Variants in PTPRT observed in about 807,000 individuals in gnomAD.
PTPRT encodes the protein protein tyrosine phosphatase receptor type T.
In PTPRT, 56 loss-of-function variants were observed where a neutral mutation model predicts 176.8. That is an observed-to-expected ratio of 0.32 (90% CI 0.26 to 0.40). PTPRT has a LOEUF of 0.40. Ranked by LOEUF, PTPRT falls within the 10% of genes least tolerant of loss-of-function variation. PTPRT has a pLI of 1.00. For missense variants in PTPRT, 1,540 were observed against 1,908.2 expected (o/e 0.81, Z 3.60); for synonymous variants, 783 against 739.0 (o/e 1.06, Z -0.96).
chr20:42,635,684 A>C (rs2074581617), intron 7 of PTPRT, among the ~76,000 whole-genome samples: 1 of 152,186 alleles, frequency 6.6e-6, no homozygotes, highest in Non-Finnish European at 1.5e-5. Context: ...AATCTGAATT[A>C]CACATACAGT....
chr20:42,123,543 T>C (rs1259180535), intron 19 of PTPRT, among the ~76,000 whole-genome samples: 1 of 152,220 alleles, frequency 6.6e-6, no homozygotes, highest in Non-Finnish European at 1.5e-5. Flanking sequence ...TGGTGGTTGA[T>C]TGGCTCCTTA....
intron 2 of PTPRT, among the ~76,000 whole-genome samples, chr20:42,866,727 C>T (rs1004200571): frequency 6.6e-6 from 1 of 152,174 alleles, no homozygotes; most frequent in Non-Finnish European, 1.5e-5. Context: ...GGTATCCCTT[C>T]CTAGAATACT....
At chr20:42,703,155 T>G (rs2146169642) in intron 6 of PTPRT, among the ~76,000 whole-genome samples, 1 of 152,232 alleles carries the variant, frequency 6.6e-6, no homozygotes, top group Non-Finnish European at 1.5e-5. Flanking sequence ...TTAGTACTGC[T>G]GCAGACTTCA....
intron 6 of PTPRT, among the ~76,000 whole-genome samples, chr20:42,706,476 G>A (rs527404040): frequency 3.0e-4 from 45 of 152,036 alleles, no homozygotes; most frequent in African/African-American, 1.1e-3. Flanking sequence ...GTTACTTGCT[G>A]CATTAAAGTA....
intron 1 of PTPRT, among the ~76,000 whole-genome samples, chr20:43,101,210 C>A (rs775383112): frequency 6.6e-6 from 1 of 152,038 alleles, no homozygotes; most frequent in Non-Finnish European, 1.5e-5. Flanking sequence ...AACAATAATA[C>A]GGAAGTAAAA....
intron 1 of PTPRT, among the ~76,000 whole-genome samples, chr20:43,107,478 A>G (rs1383527394): frequency 6.6e-6 from 1 of 152,238 alleles, no homozygotes; most frequent in East Asian, 1.9e-4. Context: ...AATACAAGAC[A>G]TCACCTTCCA....
intron 1 of PTPRT, among the ~76,000 whole-genome samples, chr20:43,090,434 AT>A (rs1045465374): frequency 9.2e-5 from 14 of 151,918 alleles, no homozygotes; most frequent in Non-Finnish European, 1.8e-4. Context: ...CGCCTGGCTA[AT>A]TTTTTTGTAT....
chr20:42,917,274 C>A (rs206678), intron 1 of PTPRT, among the ~76,000 whole-genome samples: 11,313 of 151,652 alleles, frequency 0.075, 1,228 homozygotes, highest in African/African-American at 0.24. Context: ...ATAGTTGTAG[C>A]TATGCGGCAT....
At chr20:42,573,019 C>G (rs938058402) in intron 7 of PTPRT, among the ~76,000 whole-genome samples, 1 of 150,604 alleles carries the variant, frequency 6.6e-6, no homozygotes, top group Non-Finnish European at 1.5e-5. Context: ...AGAGCAGGAC[C>G]CATGTCTGTT....
intron 1 of PTPRT, among the ~76,000 whole-genome samples, chr20:43,168,184 T>C (rs2014905651): frequency 6.6e-6 from 1 of 152,248 alleles, no homozygotes; most frequent in African/African-American, 2.4e-5. Flanking sequence ...GATTAGAGGT[T>C]GATTTCTTCT....
intron 7 of PTPRT, among the ~76,000 whole-genome samples, chr20:42,525,880 T>C (rs781209424): frequency 6.6e-6 from 1 of 152,200 alleles, no homozygotes; most frequent in Non-Finnish European, 1.5e-5. Context: ...TGTGTTTATA[T>C]TGTCCATCTC....
chr20:42,701,995 G>A (rs770245389), intron 6 of PTPRT, among the ~76,000 whole-genome samples: 5 of 151,856 alleles, frequency 3.3e-5, no homozygotes, highest in South Asian at 2.1e-4. Context: ...GCAGCCCCGC[G>A]TCACCGAGGT....
chr20:42,625,378 G>A (rs1044822313), intron 7 of PTPRT, among the ~76,000 whole-genome samples: 34 of 152,184 alleles, frequency 2.2e-4, no homozygotes, highest in African/African-American at 7.7e-4. Context: ...TATGTACTAT[G>A]AAGTGAATTG....
chr20:42,673,908 G>A (rs1460646328), intron 7 of PTPRT, among the ~76,000 whole-genome samples: 1 of 152,120 alleles, frequency 6.6e-6, no homozygotes, highest in East Asian at 1.9e-4. Context: ...CATGAAGCAT[G>A]CTATTTCAAT....
At chr20:42,239,574 C>A (rs1465850934) in intron 14 of PTPRT, among the ~76,000 whole-genome samples, 1 of 151,900 alleles carries the variant, frequency 6.6e-6, no homozygotes, top group Non-Finnish European at 1.5e-5. Flanking sequence ...AGGTGCCCAC[C>A]ACCACGCCTG....
At chr20:42,036,579 T>C in the PTPRT span, among the ~76,000 whole-genome samples, 2 of 152,110 alleles carry the variant, frequency 1.3e-5, no homozygotes, top group Admixed American at 6.6e-5. Context: ...AATAAGATAA[T>C]GATTGGGTTT....
intron 24 of PTPRT, among the ~76,000 whole-genome samples, chr20:42,105,786 G>A (rs954534043): frequency 2.0e-5 from 3 of 152,216 alleles, no homozygotes; most frequent in African/African-American, 2.4e-5. Flanking sequence ...ACCAATCAAT[G>A]GTGGTATTCA....
intron 16 of PTPRT, among the ~76,000 whole-genome samples, chr20:42,183,594 T>C (rs909630225): frequency 3.3e-5 from 5 of 152,224 alleles, no homozygotes; most frequent in Admixed American, 3.3e-4. Flanking sequence ...TTATTGACTA[T>C]ATTAGCCAAG....
chr20:42,199,016 C>G (rs1991341845), intron 16 of PTPRT, among the ~76,000 whole-genome samples: 1 of 152,160 alleles, frequency 6.6e-6, no homozygotes, highest in Admixed American at 6.5e-5. Context: ...ATGACTTGCT[C>G]CCATTTCCAT....
Sources: allele counts gnomAD v4.1 joint callset (sites outside exome capture counted in the v4.1 genomes callset), GRCh38; gene constraint gnomAD v4.1.1; transcripts MANE v1.5; gene names NCBI Gene and HGNC (gene_info 2026-07-23, HGNC 2026-07-21).